The following DPP6 variants were observed in gnomAD, a reference collection of about 807,000 sequenced individuals.
DPP6 encodes the protein dipeptidyl peptidase like 6.
In DPP6, 69 loss-of-function variants were observed where a neutral mutation model predicts 122.6. The ratio of observed to expected loss-of-function variants is 0.56; its 90% confidence interval spans 0.46 to 0.69. The LOEUF (loss-of-function observed/expected upper bound fraction) is 0.69, where lower values mean the gene tolerates loss of function less well. Ranked by LOEUF, DPP6 falls within the 30% of genes least tolerant of loss-of-function variation. The pLI is 0.00. For synonymous variants in DPP6, 418 were observed against 433.1 expected, an observed-to-expected ratio of 0.97 and a Z score of 0.43; for missense variants, 928 against 1,116.9, an observed-to-expected ratio of 0.83 and a Z score of 2.41.
At chr7:154,509,542 G>C (rs1416599031) in intron 3 of DPP6, among the ~76,000 whole-genome samples, 1 of 152,168 alleles carries the variant, frequency 6.6e-6, no homozygotes, top group Non-Finnish European at 1.5e-5. Context: ...GGAAAATGGT[G>C]TAACCACTTT....
At chr7:154,201,208 A>ACCT (rs199515006) in intron 1 of DPP6, among the ~76,000 whole-genome samples, 11,353 of 151,818 alleles carry the variant, frequency 0.075, 890 homozygotes, top group African/African-American at 0.19. Context: ...GCTAACTGCA[A>ACCT]CCTCCGCCTC....
intron 16 of DPP6, among the ~76,000 whole-genome samples, chr7:154,852,129 C>T (rs1403639253): frequency 6.6e-6 from 1 of 152,192 alleles, no homozygotes; most frequent in Non-Finnish European, 1.5e-5. Flanking sequence ...TGCAGTGAGG[C>T]CCTGAAGCCC....
intron 5 of DPP6, among the ~76,000 whole-genome samples, chr7:154,621,933 G>C (rs142997515): frequency 6.6e-6 from 1 of 152,156 alleles, no homozygotes; most frequent in Non-Finnish European, 1.5e-5. Context: ...CTGTGCAAAC[G>C]TGCGGCACTC....
intron 4 of DPP6, among the ~76,000 whole-genome samples, chr7:154,547,113 G>A (rs1027802682): frequency 1.4e-4 from 22 of 152,192 alleles, no homozygotes; most frequent in African/African-American, 5.1e-4. Context: ...GCTGGCCCCC[G>A]GGAAGTGGGC....
chr7:154,810,193 G>A (rs1044701642), intron 16 of DPP6, among the ~76,000 whole-genome samples: 1 of 152,170 alleles, frequency 6.6e-6, no homozygotes, highest in South Asian at 2.1e-4. Flanking sequence ...CCCTTTGGAG[G>A]TCACAGCTCC....
chr7:154,053,994 CCTT>C (rs1313740923), intron 1 of DPP6, among the ~76,000 whole-genome samples: 1 of 147,784 alleles, frequency 6.8e-6, no homozygotes, highest in African/African-American at 2.5e-5. Context: ...TTCTTTGAGG[CCTT>C]CTTTTCCCAG....
In DPP6 at chr7:154,727,761, A is replaced by C. The variant is rs187105305; in HGVS notation, c.763-6A>C. The C allele has an allele frequency of 1.5e-4, 239 of 1,606,916 alleles. 1 individual carries two copies. The African/African-American group carries it at 2.9e-3, about 20-fold the overall frequency. On this transcript the variant is annotated splice_polypyrimidine_tract_variant and splice_region_variant and intron_variant, in intron 7 of 25. Coordinates refer to ENST00000377770, the MANE Select transcript of DPP6 (RefSeq NM_130797.4). ...AATATTATGCTTTTTTCTCTTTCCA[A>C]ATTAGATATTTATTTTTGAAAACAA...
intron 5 of DPP6, among the ~76,000 whole-genome samples, chr7:154,590,233 C>A (rs1470124356): frequency 1.3e-5 from 2 of 152,186 alleles, no homozygotes; most frequent in Non-Finnish European, 2.9e-5. Context: ...AGGGGAGCAT[C>A]TCTAGCCGTT....
intron 1 of DPP6, among the ~76,000 whole-genome samples, chr7:153,988,838 A>G (rs186019191): frequency 3.4e-4 from 51 of 151,856 alleles, no homozygotes; most frequent in Admixed American, 1.2e-3. Context: ...TGGAGATTGC[A>G]TTGCTTTCCC....
chr7:154,559,522 TAAAG>T (rs1363854056), intron 4 of DPP6, among the ~76,000 whole-genome samples: 3 of 151,970 alleles, frequency 2.0e-5, no homozygotes, highest in Admixed American at 6.6e-5. Context: ...ATAAACTCCA[TAAAG>T]AAAATAATAA....
At chr7:154,488,300 G>A (rs112075041) in intron 3 of DPP6, among the ~76,000 whole-genome samples, 13,685 of 151,940 alleles carry the variant, frequency 0.09, 1,863 homozygotes, top group African/African-American at 0.3. Flanking sequence ...CATCCTGGCT[G>A]ACACAGTGAA....
At chr7:154,628,483 G>A (rs1400690954) in intron 5 of DPP6, among the ~76,000 whole-genome samples, 1 of 152,060 alleles carries the variant, frequency 6.6e-6, no homozygotes, top group African/African-American at 2.4e-5. Context: ...GAGTATTTTG[G>A]CTTATTGGTC....
intron 2 of DPP6, among the ~76,000 whole-genome samples, chr7:154,453,112 C>G (rs186070758): frequency 6.6e-6 from 1 of 152,178 alleles, no homozygotes; most frequent in East Asian, 1.9e-4. Flanking sequence ...TGACCTTCTC[C>G]GGTGCCACAA....
At chr7:154,289,695 A>G (rs1805079838) in intron 1 of DPP6, among the ~76,000 whole-genome samples, 1 of 152,216 alleles carries the variant, frequency 6.6e-6, no homozygotes, top group Non-Finnish European at 1.5e-5. Context: ...GGTAACACCT[A>G]GGCAGGACCA....
chr7:154,479,875 T>C (rs1208269646), intron 3 of DPP6, among the ~76,000 whole-genome samples: 1 of 152,016 alleles, frequency 6.6e-6, no homozygotes, highest in Non-Finnish European at 1.5e-5. Context: ...ATTGCAAATC[T>C]CACCTTCTCT....
chr7:153,978,198 C>T (rs188781618), intron 1 of DPP6, among the ~76,000 whole-genome samples: 1 of 152,360 alleles, frequency 6.6e-6, no homozygotes, highest in East Asian at 1.9e-4. Context: ...TATTTCCCCA[C>T]ATCCTCTCCA....
At chr7:154,106,094 G>GA (rs1411306844) in intron 1 of DPP6, among the ~76,000 whole-genome samples, 1 of 152,080 alleles carries the variant, frequency 6.6e-6, no homozygotes, top group African/African-American at 2.4e-5. Flanking sequence ...GGAGAGGAGA[G>GA]AAAGGGGTGG....
In DPP6 at chr7:154,754,278, A is replaced by C. The variant is rs987858111; in HGVS notation, c.884-15139A>C. On this transcript the variant is annotated intron_variant, in intron 8 of 25. Coordinates refer to ENST00000377770, the MANE Select transcript of DPP6 (RefSeq NM_130797.4). ...AAAACTAAAGCCAGACTATGTAAAA[A>C]ATATTACATGTAATTTTAAGGCTAT... 1.3e-4 allele frequency among the ~76,000 whole-genome samples: 20 copies of C among 152,240 alleles called. 1 individual carries two copies. The highest frequency in any genetic ancestry group is 1.2e-3 in the Admixed American group (18 of 15,284).
chr7:154,880,160 T>C (rs1257684135), intron 20 of DPP6, among the ~76,000 whole-genome samples: 1 of 152,190 alleles, frequency 6.6e-6, no homozygotes, highest in Non-Finnish European at 1.5e-5. Context: ...CCTGCAGGCG[T>C]CCTGCTGCTG....
Sources: allele counts gnomAD v4.1 joint callset (sites outside exome capture counted in the v4.1 genomes callset), GRCh38; gene constraint gnomAD v4.1.1; transcripts MANE v1.5; gene names NCBI Gene and HGNC (gene_info 2026-07-23, HGNC 2026-07-21).